The following SCFD1 variants were observed in gnomAD, a reference collection of about 807,000 sequenced individuals.
SCFD1 encodes sec1 family domain containing 1, also known as sec1 family domain-containing protein 1.
SCFD1 carries 37 observed loss-of-function variants against 103.2 expected under a neutral mutation model. The observed-to-expected ratio is 0.36, with a 90% CI of 0.28 to 0.47. The LOEUF (loss-of-function observed/expected upper bound fraction) is 0.47. SCFD1 is among the 20% of genes least tolerant of loss of function. The pLI is 1.00. For missense variants in SCFD1, 639 were observed against 761.2 expected (o/e 0.84, Z 1.89); for synonymous variants, 264 against 245.0 (o/e 1.08, Z -0.73).
At chr14:30,675,482 G>T (rs976743337) in intron 14 of SCFD1, among the ~76,000 whole-genome samples, 3 of 152,152 alleles carry the variant, frequency 2.0e-5, no homozygotes, top group Non-Finnish European at 4.4e-5. Context: ...TAAATTTAGA[G>T]AATCTGTTAA....
intron 4 of SCFD1, among the ~76,000 whole-genome samples, chr14:30,634,263 A>G (rs1884480656): frequency 1.3e-5 from 2 of 152,162 alleles, no homozygotes; most frequent in African/African-American, 4.8e-5. Flanking sequence ...CACTTTCCAC[A>G]GTTTCAGTTA....
chr14:30,708,143 C>A, intron 19 of SCFD1, 78 bp downstream of exon 19: 1 of 883,144 alleles, frequency 1.1e-6, no homozygotes, highest in Non-Finnish European at 1.9e-6. Flanking sequence ...GGTAAAGCAA[C>A]TCCTGGATTT....
chr14:30,706,145 G>A (rs1006195604), intron 18 of SCFD1, among the ~76,000 whole-genome samples: 2 of 152,096 alleles, frequency 1.3e-5, no homozygotes, highest in Admixed American at 1.3e-4. Context: ...AGAGTAATTA[G>A]CATATCACCT....
At chr14:30,680,066 T>G (rs1477600142) in intron 14 of SCFD1, among the ~76,000 whole-genome samples, 1 of 152,214 alleles carries the variant, frequency 6.6e-6, no homozygotes, top group Non-Finnish European at 1.5e-5. Context: ...CTTCAACTCC[T>G]TACTGTGAAT....
chr14:30,659,563 A>G (rs1300635364), intron 10 of SCFD1, among the ~76,000 whole-genome samples: 2 of 152,178 alleles, frequency 1.3e-5, no homozygotes, highest in South Asian at 2.1e-4. Context: ...AAATGTTTGC[A>G]TATGGCCGGC....
chr14:30,640,383 T>C (rs4981075), intron 6 of SCFD1, among the ~76,000 whole-genome samples: 9,714 of 152,244 alleles, frequency 0.064, 436 homozygotes, highest in African/African-American at 0.12. Context: ...TGACAACGGT[T>C]ATTATTCACA....
intron 23 of SCFD1, among the ~76,000 whole-genome samples, chr14:30,724,245 GTTTTTTTTTT>G (rs58612669): frequency 3.6e-4 from 25 of 69,676 alleles, no homozygotes; most frequent in African/African-American, 1.1e-3. Context: ...TTTTTTATGG[GTTTTTTTTTT>G]TTTTTTTTTT....
chr14:30,667,276 A>G (rs945119251), intron 10 of SCFD1, among the ~76,000 whole-genome samples: 1 of 152,224 alleles, frequency 6.6e-6, no homozygotes, highest in Non-Finnish European at 1.5e-5. Context: ...AACATAATCC[A>G]TCATATAAAC....
At chr14:30,727,368 C>T (rs569099849) in intron 23 of SCFD1, among the ~76,000 whole-genome samples, 2 of 152,284 alleles carry the variant, frequency 1.3e-5, no homozygotes, top group South Asian at 2.1e-4. Context: ...AATTTTGCCT[C>T]CCAAAAGTGG....
chr14:30,625,141 G>A (rs1219350613), intron 1 of SCFD1, among the ~76,000 whole-genome samples: 2 of 151,708 alleles, frequency 1.3e-5, no homozygotes, highest in Admixed American at 1.3e-4. Context: ...GAGGACAGGC[G>A]ATTTTATTCA....
At chr14:30,714,479 A>G (rs948617364) in intron 19 of SCFD1, among the ~76,000 whole-genome samples, 2 of 152,322 alleles carry the variant, frequency 1.3e-5, no homozygotes, top group African/African-American at 2.4e-5. Context: ...ATTTGAAAGT[A>G]CCTAGCCAAC....
chr14:30,649,739 G>T (rs757079113), intron 8 of SCFD1, among the ~76,000 whole-genome samples, 156 bp downstream of exon 8: 2 of 152,018 alleles, frequency 1.3e-5, no homozygotes, highest in Non-Finnish European at 2.9e-5. Flanking sequence ...AGATTGCACC[G>T]AAGATAAAAA....
chr14:30,672,551 A>G (rs1888652081), intron 11 of SCFD1, among the ~76,000 whole-genome samples: 1 of 152,182 alleles, frequency 6.6e-6, no homozygotes, highest in African/African-American at 2.4e-5. Flanking sequence ...CTGTAGATGA[A>G]AAATACTCAT....
Position 30,717,039 on chromosome 14 carries a change from A to C in SCFD1, c.1683+1062A>C, listed in dbSNP as rs1304999358. Among the ~76,000 whole-genome samples the C allele has an allele frequency of 2.0e-4, 30 of 152,232 alleles. 1 individual carries two copies. The highest frequency in any genetic ancestry group is 7.3e-5 in the Non-Finnish European group (5 of 68,032). On this transcript the variant is annotated intron_variant, in intron 20 of 24. Coordinates refer to ENST00000458591, the MANE Select transcript of SCFD1 (RefSeq NM_016106.4). ...CCTGAAAAGCCTAAGAGAGGTATACATTCATGACTAATTGACTTACAGAAT... is the reference window on the plus strand; with the variant it reads ...CCTGAAAAGCCTAAGAGAGGTATACCTTCATGACTAATTGACTTACAGAAT...
At chr14:30,710,355 A>T (rs80124859) in intron 19 of SCFD1, among the ~76,000 whole-genome samples, 1 of 149,036 alleles carries the variant, frequency 6.7e-6, no homozygotes, top group African/African-American at 2.5e-5. Flanking sequence ...AAAAAAAAAA[A>T]GTTCAGAATT....
chr14:30,649,376 TA>T (rs1886183792), intron 7 of SCFD1, 151 bp from the exon 8 acceptor site: 4 of 614,330 alleles, frequency 6.5e-6, no homozygotes, highest in Non-Finnish European at 1.1e-5. Flanking sequence ...TTTTAAAAAT[TA>T]AAAAAATGTG....
intron 1 of SCFD1, among the ~76,000 whole-genome samples, chr14:30,624,312 G>T (rs1883163018): frequency 6.6e-6 from 1 of 152,080 alleles, no homozygotes; most frequent in Non-Finnish European, 1.5e-5. Context: ...ACATTGCAGG[G>T]TCCCATTAGT....
chr14:30,632,097 A>ATGG (rs1267700189), intron 3 of SCFD1, among the ~76,000 whole-genome samples: 2 of 150,044 alleles, frequency 1.3e-5, no homozygotes, highest in African/African-American at 4.9e-5. Context: ...GACTGTGTTC[A>ATGG]TGGATAGATA....
Position 30,638,581 on chromosome 14 carries a change from A to G in SCFD1, c.435+334A>G, listed in dbSNP as rs966976896. Among the ~76,000 whole-genome samples the G allele has an allele frequency of 1.4e-4, 22 of 152,202 alleles. 1 individual carries two copies. Among genetic ancestry groups the G allele is most frequent in the Admixed American group, 3.3e-4 (5 of 15,284 alleles). The stretch of plus-strand genomic sequence containing the variant: ...TATTGTCATAAACTGTATTGAAAGT[A>G]TGTTGACATTGTTTTATCTGTAATC... On this transcript the variant is annotated intron_variant, in intron 5 of 24. Transcript: ENST00000458591.
Sources: gnomAD v4.1 joint callset for allele counts (sites outside exome capture counted in the v4.1 genomes callset) on GRCh38, gnomAD v4.1.1 for gene constraint, MANE v1.5 for transcripts, NCBI Gene and HGNC (gene_info 2026-07-23, HGNC 2026-07-21) for gene names.